The following CNTN1 variants were observed in gnomAD, a reference collection of about 807,000 sequenced individuals.
CNTN1 encodes contactin-1.
CNTN1 carries 38 observed loss-of-function variants against 126.4 expected under a neutral mutation model. The ratio of observed to expected loss-of-function variants is 0.30; its 90% CI spans 0.23 to 0.39. CNTN1 has a LOEUF of 0.39. Ranked by LOEUF, CNTN1 falls within the 10% of genes least tolerant of loss-of-function variation. The pLI is 1.00. For synonymous variants in CNTN1, 413 were observed against 422.6 expected (o/e 0.98, Z 0.28); for missense variants, 1,009 against 1,248.4 (o/e 0.81, Z 2.89).
chr12:40,802,723 ACT>A (rs1179234554), intron 1 of CNTN1, among the ~76,000 whole-genome samples: 4 of 151,854 alleles, frequency 2.6e-5, no homozygotes, highest in Non-Finnish European at 4.4e-5. Context: ...ATGGTGAAAG[ACT>A]CTATGGTGAA....
At chr12:40,895,592 G>T (rs930033705) in intron 1 of CNTN1, among the ~76,000 whole-genome samples, 2 of 151,960 alleles carry the variant, frequency 1.3e-5, no homozygotes, top group African/African-American at 2.4e-5. Flanking sequence ...GATAACCCAT[G>T]AATCCATTAA....
chr12:40,998,939 A>G (rs1472317505), intron 17 of CNTN1, among the ~76,000 whole-genome samples: 6 of 152,184 alleles, frequency 3.9e-5, no homozygotes, highest in African/African-American at 1.4e-4. Context: ...AGTAGTCAAT[A>G]TGTTTTCAAT....
chr12:40,786,338 A>G (rs1367963580), intron 1 of CNTN1, among the ~76,000 whole-genome samples: 1 of 152,164 alleles, frequency 6.6e-6, no homozygotes, highest in African/African-American at 2.4e-5. Flanking sequence ...TCCTTCTCAC[A>G]TCACATCTCT....
intron 1 of CNTN1, among the ~76,000 whole-genome samples, chr12:40,902,375 T>TC (rs892719777): frequency 3.9e-5 from 6 of 152,140 alleles, no homozygotes; most frequent in African/African-American, 2.4e-5. Flanking sequence ...GAGTAGGAGA[T>TC]ATTGGTGTCT....
At chr12:40,812,624 A>G (rs1041056629) in intron 1 of CNTN1, among the ~76,000 whole-genome samples, 1 of 152,112 alleles carries the variant, frequency 6.6e-6, no homozygotes, top group African/African-American at 2.4e-5. Flanking sequence ...TTATATCTTG[A>G]TGAATTCACT....
rs941672972 is a variant in CNTN1, at chr12:40,845,294, G to A, written c.-76-63063G>A. On this transcript the variant is annotated intron_variant, in intron 1 of 23. Transcript: ENST00000551295. Reference sequence around the variant, plus strand: ...TATAGAAAATTGATTAGAATTGTTAGCCCAGTAAAGTGCAGATATATAATA... The same window carrying A: ...TATAGAAAATTGATTAGAATTGTTAACCCAGTAAAGTGCAGATATATAATA... 8.5e-5 allele frequency among the ~76,000 whole-genome samples: 13 copies of A among 152,206 alleles called. No homozygotes were observed. In the South Asian group the frequency reaches 2.7e-3, roughly 32 times the overall value.
chr12:41,063,978 A>G (rs1033056634), intron 23 of CNTN1, among the ~76,000 whole-genome samples: 4 of 152,132 alleles, frequency 2.6e-5, no homozygotes, highest in African/African-American at 9.7e-5. Flanking sequence ...AGTTGAGACC[A>G]TCCTGGCTAG....
chr12:40,779,736 A>C (rs1282907243), intron 1 of CNTN1, among the ~76,000 whole-genome samples: 1 of 151,962 alleles, frequency 6.6e-6, no homozygotes, highest in African/African-American at 2.4e-5. Context: ...AAATAAGAGC[A>C]GAAGTTAAAT....
intron 1 of CNTN1, among the ~76,000 whole-genome samples, chr12:40,805,660 T>A (rs1350577623): frequency 6.6e-6 from 1 of 152,052 alleles, no homozygotes; most frequent in East Asian, 1.9e-4. Context: ...GAGCTATCTG[T>A]GAGTTTGGTT....
chr12:40,717,848 A>C (rs1413519005), intron 1 of CNTN1, among the ~76,000 whole-genome samples: 1 of 152,220 alleles, frequency 6.6e-6, no homozygotes, highest in Admixed American at 6.5e-5. Flanking sequence ...TCACAAAACT[A>C]GGTTCATCAT....
chr12:40,735,500 G>A (rs986994296), intron 1 of CNTN1, among the ~76,000 whole-genome samples: 1 of 152,032 alleles, frequency 6.6e-6, no homozygotes, highest in Non-Finnish European at 1.5e-5. Context: ...GATTTCATTT[G>A]TTTAGAGTGA....
At chr12:40,746,697 A>G (rs1938199057) in intron 1 of CNTN1, among the ~76,000 whole-genome samples, 1 of 151,972 alleles carries the variant, frequency 6.6e-6, no homozygotes, top group Admixed American at 6.6e-5. Context: ...AACACTTGGG[A>G]GATGAGTATG....
intron 1 of CNTN1, among the ~76,000 whole-genome samples, chr12:40,819,896 T>C (rs1036872060): frequency 7.9e-5 from 12 of 152,162 alleles, no homozygotes; most frequent in Non-Finnish European, 1.3e-4. Context: ...CCACCTCTCT[T>C]GGCTCGGGGG....
chr12:40,921,903 A>G (rs1310682427), intron 4 of CNTN1, among the ~76,000 whole-genome samples: 4 of 152,228 alleles, frequency 2.6e-5, no homozygotes, highest in African/African-American at 9.6e-5. Flanking sequence ...TTTATACAGT[A>G]TATCTGCATA....
chr12:40,755,396 G>A (rs1445829813), intron 1 of CNTN1, among the ~76,000 whole-genome samples: 1 of 144,348 alleles, frequency 6.9e-6, no homozygotes, highest in African/African-American at 2.6e-5. Flanking sequence ...ATTAACAATG[G>A]GTGTTGGAAA....
chr12:40,915,677 C>G (rs1320444305), intron 3 of CNTN1, among the ~76,000 whole-genome samples: 1 of 152,098 alleles, frequency 6.6e-6, no homozygotes, highest in African/African-American at 2.4e-5. Context: ...ATTCTCTTAA[C>G]GATGTCTTTC....
intron 23 of CNTN1, among the ~76,000 whole-genome samples, chr12:41,043,178 C>T (rs1314735472): frequency 2.6e-5 from 4 of 152,214 alleles, no homozygotes; most frequent in Admixed American, 1.3e-4. Context: ...AGAGCTCCTG[C>T]ACAGCAAAAG....
chr12:40,936,961 G>C, intron 10 of CNTN1, 56 bp downstream of exon 10: 1 of 1,605,486 alleles, frequency 6.2e-7, no homozygotes, highest in Non-Finnish European at 8.5e-7. Context: ...CAGTGTTTCA[G>C]GGTAGTCCTG....
chr12:41,062,469 T>C (rs56695779), intron 23 of CNTN1, among the ~76,000 whole-genome samples: 11,840 of 152,220 alleles, frequency 0.078, 666 homozygotes, highest in African/African-American at 0.15. Context: ...ATACTTGCAT[T>C]GTTGATAACA....
Sources: allele counts gnomAD v4.1 joint callset (sites outside exome capture counted in the v4.1 genomes callset), GRCh38; gene constraint gnomAD v4.1.1; transcripts MANE v1.5; gene names NCBI Gene and HGNC (gene_info 2026-07-23, HGNC 2026-07-21).